SLC4A10: variants seen among roughly 807,000 people sequenced by gnomAD.
SLC4A10 encodes the protein solute carrier family 4 member 10.
SLC4A10 carries 42 observed loss-of-function variants against 137.7 expected under a neutral mutation model. That is an observed-to-expected ratio of 0.30 (90% CI 0.24 to 0.39). The LOEUF (loss-of-function observed/expected upper bound fraction) is 0.39. SLC4A10 is among the 10% of genes least tolerant of loss of function. SLC4A10 has a pLI of 1.00. For synonymous variants in SLC4A10, 474 were observed against 464.1 expected, an observed-to-expected ratio of 1.02 and a Z score of -0.27; for missense variants, 925 against 1,355.0, an observed-to-expected ratio of 0.68 and a Z score of 4.98.
intron 1 of SLC4A10, among the ~76,000 whole-genome samples, chr2:161,636,748 C>T (rs756687482): frequency 2.0e-5 from 3 of 151,910 alleles, no homozygotes; most frequent in African/African-American, 4.8e-5. Context: ...GGAGTTTAGT[C>T]GTGCAATCAT....
At chr2:161,753,575 T>A (rs1398419174) in intron 1 of SLC4A10, among the ~76,000 whole-genome samples, 1 of 152,008 alleles carries the variant, frequency 6.6e-6, no homozygotes, top group Non-Finnish European at 1.5e-5. Context: ...TCCTATGGGG[T>A]TTAGTGAGAT....
intron 15 of SLC4A10, among the ~76,000 whole-genome samples, chr2:161,942,287 C>T (rs574424825): frequency 4.9e-4 from 75 of 152,180 alleles, no homozygotes; most frequent in African/African-American, 1.6e-3. Flanking sequence ...GGAAAACAAA[C>T]TGTAAATTGA....
chr2:161,905,302 A>G (rs1230892611), intron 14 of SLC4A10, among the ~76,000 whole-genome samples: 1 of 152,186 alleles, frequency 6.6e-6, no homozygotes, highest in Non-Finnish European at 1.5e-5. Context: ...TTAGATTCTC[A>G]TAAGGAGCAC....
chr2:161,680,644 A>C (rs932552523), intron 1 of SLC4A10, among the ~76,000 whole-genome samples: 6 of 152,124 alleles, frequency 3.9e-5, no homozygotes, highest in African/African-American at 1.4e-4. Flanking sequence ...AATGTGATGA[A>C]AGCAAGTTTT....
rs1053244280 is a variant in SLC4A10, at chr2:161,890,239, C to A, written c.1195-4440C>A. On this transcript the variant is annotated intron_variant, in intron 10 of 26. Transcript: ENST00000446997. ...GGTCAATTTTAGAATAAGTGCGATG[C>A]GGTGCTGAGAAGAATGTATATTCCG... is the stretch of plus-strand genomic sequence containing the variant. Among the ~76,000 whole-genome samples, 16 of 152,012 alleles carry A rather than the reference C, an allele frequency of 1.1e-4. No individual in the cohort carries two copies. The East Asian group carries it at 3.1e-3, about 29-fold the overall frequency.
At chr2:161,767,616 TA>T (rs1407852934) in intron 1 of SLC4A10, among the ~76,000 whole-genome samples, 5 of 152,116 alleles carry the variant, frequency 3.3e-5, no homozygotes, top group African/African-American at 9.6e-5. Flanking sequence ...AATATTGTGA[TA>T]TTTTTCTCTT....
chr2:161,977,361 A>G (rs561582510), intron 25 of SLC4A10: 5 of 463,476 alleles, frequency 1.1e-5, no homozygotes, highest in South Asian at 8.0e-5. Context: ...CAAAACTTTC[A>G]ACTCCTGAAA....
intron 15 of SLC4A10, among the ~76,000 whole-genome samples, chr2:161,926,590 A>G (rs574102852): frequency 9.9e-4 from 143 of 145,114 alleles, no homozygotes; most frequent in Non-Finnish European, 1.7e-3. Flanking sequence ...TGTGAATTTG[A>G]TCCTGTCATT....
intron 15 of SLC4A10, among the ~76,000 whole-genome samples, chr2:161,939,921 C>T (rs1212336120): frequency 3.3e-5 from 5 of 152,046 alleles, no homozygotes; most frequent in African/African-American, 1.2e-4. Flanking sequence ...CTCCATGGCT[C>T]CAGTGTCATG....
At position 161,983,273 on chromosome 2, in the gene SLC4A10, T is replaced by A; in HGVS notation, c.*121T>A. On this transcript the variant is annotated 3_prime_UTR_variant, in exon 27 of 27. Transcript: ENST00000446997. Reference sequence around the variant, plus strand: ...CGATCTTCAATTTATTTTTTACATATATATGAGAAGAGTGTCACAATTATT... The same window carrying A: ...CGATCTTCAATTTATTTTTTACATAAATATGAGAAGAGTGTCACAATTATT... 1 of 1,522,502 alleles carries A rather than the reference T, an allele frequency of 6.6e-7. No homozygotes were observed. The highest frequency in any genetic ancestry group is 8.8e-7 in the Non-Finnish European group (1 of 1,135,310). 94.3% of individuals were successfully genotyped at this position (1,522,502 alleles called of 1,614,324 possible).
intron 1 of SLC4A10, among the ~76,000 whole-genome samples, chr2:161,629,393 T>C (rs1430144476): frequency 2.6e-5 from 4 of 151,578 alleles, no homozygotes; most frequent in African/African-American, 4.8e-5. Context: ...TATATGTATA[T>C]ATATTTTAAT....
chr2:161,873,805 C>A, intron 7 of SLC4A10, 111 bp from the exon 8 acceptor site: 3 of 1,086,912 alleles, frequency 2.8e-6, no homozygotes, highest in Admixed American at 2.2e-5. Flanking sequence ...ATCCCTCTGA[C>A]AATGCCTAAA....
At chr2:161,661,801 A>G (rs961367040) in intron 1 of SLC4A10, among the ~76,000 whole-genome samples, 1 of 152,174 alleles carries the variant, frequency 6.6e-6, no homozygotes, top group Non-Finnish European at 1.5e-5. Context: ...TCTTAGTAGG[A>G]AGTAAAAGTG....
chr2:161,984,621 T>G lies in SLC4A10; in HGVS notation c.*1469T>G, dbSNP rs1430707393. The G allele has an allele frequency of 1.3e-5, 2 of 152,238 alleles. No individual in the cohort carries two copies. Among genetic ancestry groups the G allele is most frequent in the East Asian group, 3.9e-4 (2 of 5,186 alleles). The allele number at this position is 152,238 out of a possible 1,614,324, so 9.4% of individuals were successfully genotyped here. On this transcript the variant is annotated 3_prime_UTR_variant, in exon 27 of 27. Coordinates refer to ENST00000446997, the MANE Select transcript of SLC4A10 (RefSeq NM_001178015.2). ...TGGGAGGAAATAAATCAACAAAGTC[T>G]CCATTAAGTTCTACATTTTGAGACC...
intron 3 of SLC4A10, among the ~76,000 whole-genome samples, chr2:161,814,334 A>G (rs764102353): frequency 1.3e-5 from 2 of 152,142 alleles, no homozygotes; most frequent in Non-Finnish European, 2.9e-5. Context: ...TGGTGGGAAT[A>G]TAAATTGGTT....
intron 1 of SLC4A10, among the ~76,000 whole-genome samples, chr2:161,703,463 A>G (rs2043331227): frequency 6.6e-6 from 1 of 151,706 alleles, no homozygotes; most frequent in African/African-American, 2.4e-5. Context: ...AAACTAAAAT[A>G]TCAATAATGG....
At chr2:161,824,988 T>C (rs1456134153) in intron 3 of SLC4A10, among the ~76,000 whole-genome samples, 4 of 152,204 alleles carry the variant, frequency 2.6e-5, no homozygotes, top group Non-Finnish European at 4.4e-5. Flanking sequence ...TCAAGTCCTT[T>C]ATATAATCCA....
chr2:161,977,542 A>G (rs1219384295), intron 25 of SLC4A10, among the ~76,000 whole-genome samples, 180 bp from the exon 26 acceptor site: 1 of 152,188 alleles, frequency 6.6e-6, no homozygotes, highest in Non-Finnish European at 1.5e-5. Context: ...CAAGTCACCC[A>G]GTCTTCTTAG....
At chr2:161,973,910 T>A (rs1177665619) in intron 23 of SLC4A10, among the ~76,000 whole-genome samples, 6 of 152,234 alleles carry the variant, frequency 3.9e-5, no homozygotes, top group African/African-American at 1.4e-4. Flanking sequence ...TTCACCTTTA[T>A]AACAATAAAA....
Sources: allele counts gnomAD v4.1 joint callset (sites outside exome capture counted in the v4.1 genomes callset), GRCh38; gene constraint gnomAD v4.1.1; transcripts MANE v1.5; gene names NCBI Gene and HGNC (gene_info 2026-07-23, HGNC 2026-07-21).